The following EHBP1 variants were observed in gnomAD, a reference collection of about 807,000 sequenced individuals.
EHBP1 encodes EH domain-binding protein 1.
Under a neutral mutation model 144.0 loss-of-function variants are expected in EHBP1, and 55 were observed. The observed-to-expected ratio is 0.38, with a 90% CI of 0.31 to 0.48. The LOEUF (loss-of-function observed/expected upper bound fraction) is 0.48. Among genes scored for constraint, EHBP1 ranks in the 20% least tolerant of loss-of-function variants. The probability of loss-of-function intolerance (pLI) is 0.98; values close to 1 mark genes in which losing one functional copy is unlikely to be tolerated. For synonymous variants in EHBP1, 469 were observed against 472.7 expected, an observed-to-expected ratio of 0.99 and a Z score of 0.10; for missense variants, 1,200 against 1,364.2, an observed-to-expected ratio of 0.88 and a Z score of 1.90.
intron 2 of EHBP1, among the ~76,000 whole-genome samples, chr2:62,744,055 C>T (rs116184822): frequency 0.028 from 4,274 of 152,118 alleles, 194 homozygotes; most frequent in African/African-American, 0.096. Flanking sequence ...AATTTCCTTC[C>T]TTGAACAAGC....
In EHBP1 at chr2:62,948,661, C is replaced by G. The variant is rs1336263062; in HGVS notation, c.1815C>G (p.Ala605=). ...TPDDHLSPST[A]SPYCRRTKSD... ...ATGATCACCTTAGTCCAAGCACAGC[C>G]TCCCCTTACTGTCGCAGGACTAAAA... is the stretch of plus-strand genomic sequence containing the variant. The change falls in exon 13 of 23, where the codon GCC becomes GCG. Residue 605 remains alanine, a synonymous_variant. Coordinates refer to ENST00000431489, the MANE Select transcript of EHBP1 (RefSeq NM_001142616.3). 6.2e-7 allele frequency: 1 copy of G among 1,613,968 alleles called. No homozygotes were observed. The highest frequency in any genetic ancestry group is 1.1e-5 in the South Asian group (1 of 91,076).
intron 10 of EHBP1, among the ~76,000 whole-genome samples, chr2:62,915,625 C>G (rs2054551133): frequency 6.6e-6 from 1 of 151,652 alleles, no homozygotes; most frequent in African/African-American, 2.4e-5. Context: ...TTTGATATAA[C>G]CATAATCAAA....
At chr2:63,033,882 T>G (rs1372509164) in intron 19 of EHBP1, among the ~76,000 whole-genome samples, 1 of 152,132 alleles carries the variant, frequency 6.6e-6, no homozygotes, top group East Asian at 1.9e-4. Flanking sequence ...AAGTGGTTTT[T>G]GTTAACTATG....
At chr2:62,728,683 G>A (rs890270294) in intron 2 of EHBP1, among the ~76,000 whole-genome samples, 7 of 151,282 alleles carry the variant, frequency 4.6e-5, no homozygotes, top group African/African-American at 9.7e-5. Context: ...CTCTCATGTT[G>A]TAAGCTATTT....
At chr2:62,919,798 A>G (rs1373447876) in intron 10 of EHBP1, among the ~76,000 whole-genome samples, 1 of 152,170 alleles carries the variant, frequency 6.6e-6, no homozygotes, top group Non-Finnish European at 1.5e-5. Context: ...CCTGAACCAA[A>G]TGGAAATATT....
chr2:62,809,310 A>AT (rs2044775251), intron 5 of EHBP1, among the ~76,000 whole-genome samples: 1 of 150,806 alleles, frequency 6.6e-6, no homozygotes, highest in Admixed American at 6.6e-5. Flanking sequence ...AAAAAAAAAA[A>AT]AAAAACAAGA....
At chr2:62,935,471 A>G (rs965219731) in intron 10 of EHBP1, among the ~76,000 whole-genome samples, 3 of 151,034 alleles carry the variant, frequency 2.0e-5, no homozygotes, top group Non-Finnish European at 4.4e-5. Context: ...TGACATTTTT[A>G]TGCCACTATG....
intron 7 of EHBP1, among the ~76,000 whole-genome samples, chr2:62,832,784 G>C (rs544839675): frequency 6.6e-6 from 1 of 151,982 alleles, no homozygotes; most frequent in African/African-American, 2.4e-5. Context: ...GGGCCTCCTC[G>C]TTCCCTGGGA....
intron 7 of EHBP1, among the ~76,000 whole-genome samples, chr2:62,840,429 G>A (rs1399218927): frequency 7.0e-6 from 1 of 143,692 alleles, no homozygotes; most frequent in Non-Finnish European, 1.5e-5. Context: ...TTAGGCATGG[G>A]CAAGGACTTC....
chr2:62,855,090 C>T lies in EHBP1; in HGVS notation c.635-4079C>T, dbSNP rs372986963. On this transcript the variant is annotated intron_variant, in intron 7 of 22. Coordinates refer to ENST00000431489, the MANE Select transcript of EHBP1 (RefSeq NM_001142616.3). Reference sequence around the variant, plus strand: ...CCCCCAGCACAGCTTGCCCAAACGGCGGCTGCAGACCCAGACATCCCTGCA... The same window carrying T: ...CCCCCAGCACAGCTTGCCCAAACGGTGGCTGCAGACCCAGACATCCCTGCA... 3.2e-4 allele frequency among the ~76,000 whole-genome samples: 48 copies of T among 152,312 alleles called. No individual in the cohort carries two copies. The East Asian group carries it at 3.7e-3, about 12-fold the overall frequency.
At chr2:62,954,273 G>A (rs923890381) in intron 13 of EHBP1, among the ~76,000 whole-genome samples, 5 of 152,198 alleles carry the variant, frequency 3.3e-5, no homozygotes, top group Non-Finnish European at 5.9e-5. Context: ...ACAGCCTGAT[G>A]TCTTGACTGA....
chr2:63,040,852 C>T (rs1308442483), intron 21 of EHBP1, among the ~76,000 whole-genome samples: 1 of 152,178 alleles, frequency 6.6e-6, no homozygotes, highest in Non-Finnish European at 1.5e-5. Flanking sequence ...AAGACAGTGT[C>T]CTCTGAGCCA....
chr2:62,791,331 G>A (rs1394820925), intron 5 of EHBP1, among the ~76,000 whole-genome samples: 1 of 151,930 alleles, frequency 6.6e-6, no homozygotes, highest in East Asian at 1.9e-4. Context: ...TTTTACTGAG[G>A]TAGATAATTT....
intron 12 of EHBP1, among the ~76,000 whole-genome samples, chr2:62,947,050 G>A (rs986984586): frequency 1.3e-5 from 2 of 152,118 alleles, no homozygotes; most frequent in African/African-American, 2.4e-5. Context: ...ATTGATGCCT[G>A]TCAGTCAAGT....
chr2:62,809,749 A>G (rs1351530410), intron 5 of EHBP1, among the ~76,000 whole-genome samples: 1 of 152,154 alleles, frequency 6.6e-6, no homozygotes, highest in Non-Finnish European at 1.5e-5. Context: ...GAGTACATGC[A>G]GTATTTGGTT....
intron 5 of EHBP1, among the ~76,000 whole-genome samples, chr2:62,781,173 C>G (rs191350859): frequency 6.6e-6 from 1 of 151,616 alleles, no homozygotes; most frequent in African/African-American, 2.4e-5. Context: ...TTTTATGTTC[C>G]CATATAAAGA....
intron 5 of EHBP1, among the ~76,000 whole-genome samples, chr2:62,778,301 G>T (rs2042182586): frequency 6.6e-6 from 1 of 152,110 alleles, no homozygotes; most frequent in Admixed American, 6.6e-5. Flanking sequence ...CACTTTGGGA[G>T]CCCGAGGTGG....
At chr2:62,940,478 G>A (rs1410517257) in intron 10 of EHBP1, among the ~76,000 whole-genome samples, 1 of 152,164 alleles carries the variant, frequency 6.6e-6, no homozygotes, top group Non-Finnish European at 1.5e-5. Flanking sequence ...TACAGATGAG[G>A]AAACTGAGAT....
At chr2:62,855,538 C>T (rs2048985037) in intron 7 of EHBP1, among the ~76,000 whole-genome samples, 1 of 152,120 alleles carries the variant, frequency 6.6e-6, no homozygotes, top group Admixed American at 6.5e-5. Context: ...GCTGCCAGTT[C>T]CACAGACCAG....
Sources: allele counts gnomAD v4.1 joint callset (sites outside exome capture counted in the v4.1 genomes callset), GRCh38; gene constraint gnomAD v4.1.1; transcripts MANE v1.5; gene names NCBI Gene and HGNC (gene_info 2026-07-23, HGNC 2026-07-21).